DLG2: variants seen among roughly 807,000 people sequenced by gnomAD.
The protein encoded by DLG2 is disks large homolog 2.
In DLG2, 45 loss-of-function variants were observed where a neutral mutation model predicts 132.5. The ratio of observed to expected loss-of-function variants is 0.34; its 90% CI spans 0.27 to 0.44. The LOEUF (loss-of-function observed/expected upper bound fraction) is 0.44. DLG2 is among the 20% of genes least tolerant of loss of function. DLG2 has a pLI of 1.00. For missense variants in DLG2, 1,045 were observed against 1,196.9 expected, an observed-to-expected ratio of 0.87 and a Z score of 1.87; for synonymous variants, 424 against 419.6, an observed-to-expected ratio of 1.01 and a Z score of -0.13.
chr11:85,541,961 A>G (rs2076001959), intron 3 of DLG2, among the ~76,000 whole-genome samples: 1 of 152,150 alleles, frequency 6.6e-6, no homozygotes, highest in African/African-American at 2.4e-5. Context: ...CTATTGCTGA[A>G]AGCCTCACAG....
intron 18 of DLG2, among the ~76,000 whole-genome samples, chr11:83,711,798 T>C (rs759263610): frequency 3.4e-4 from 51 of 151,964 alleles, no homozygotes; most frequent in Non-Finnish European, 6.8e-4. Flanking sequence ...AAAGCAGGAG[T>C]ACTAGGTCAC....
chr11:83,848,675 A>T (rs975201130), intron 16 of DLG2, among the ~76,000 whole-genome samples: 6 of 152,202 alleles, frequency 3.9e-5, no homozygotes, highest in Non-Finnish European at 7.3e-5. Context: ...GGGATCCCTA[A>T]CTAGGATTCT....
chr11:85,541,587 G>T (rs1247914212), intron 3 of DLG2, among the ~76,000 whole-genome samples: 1 of 151,706 alleles, frequency 6.6e-6, no homozygotes, highest in Non-Finnish European at 1.5e-5. Context: ...CTTTGAGATG[G>T]CTTACAAAAC....
chr11:84,703,418 T>G (rs542966069), intron 6 of DLG2, among the ~76,000 whole-genome samples: 2 of 151,524 alleles, frequency 1.3e-5, no homozygotes, highest in Non-Finnish European at 3.0e-5. Flanking sequence ...ATGAAGATGA[T>G]GATTTCTACC....
intron 8 of DLG2, among the ~76,000 whole-genome samples, chr11:84,214,374 TATAA>T (rs2096806730): frequency 6.6e-6 from 1 of 150,410 alleles, no homozygotes; most frequent in Admixed American, 6.6e-5. Context: ...CAAACATACA[TATAA>T]ATATGTTTTA....
At chr11:85,183,828 CTTCTCACTCT>C (rs1193413400) in intron 4 of DLG2, among the ~76,000 whole-genome samples, 4 of 152,028 alleles carry the variant, frequency 2.6e-5, no homozygotes, top group Non-Finnish European at 5.9e-5. Context: ...CCGTTTCTTG[CTTCTCACTCT>C]TTCTCACTGA....
intron 10 of DLG2, among the ~76,000 whole-genome samples, chr11:84,061,594 TG>T (rs1231334218): frequency 6.6e-6 from 1 of 152,202 alleles, no homozygotes; most frequent in Non-Finnish European, 1.5e-5. Context: ...GTTTCATGTA[TG>T]TTGTGTATAT....
intron 9 of DLG2, among the ~76,000 whole-genome samples, chr11:84,102,137 T>C (rs2092580692): frequency 1.3e-5 from 2 of 152,194 alleles, no homozygotes; most frequent in Non-Finnish European, 2.9e-5. Context: ...AAATTAATAC[T>C]AAATTATCAC....
chr11:84,515,875 C>A (rs1212934822), intron 7 of DLG2, among the ~76,000 whole-genome samples: 1 of 151,870 alleles, frequency 6.6e-6, no homozygotes, highest in Middle Eastern at 3.4e-3. Flanking sequence ...AGACTAAAAT[C>A]ATATCAAGTG....
intron 7 of DLG2, among the ~76,000 whole-genome samples, chr11:84,321,157 G>A (rs949134438): frequency 1.3e-5 from 2 of 152,116 alleles, no homozygotes; most frequent in African/African-American, 4.8e-5. Flanking sequence ...ATTAAGTCAT[G>A]CTCTACAGTA....
At chr11:83,666,106 T>C (rs1052120250) in intron 18 of DLG2, among the ~76,000 whole-genome samples, 1 of 152,204 alleles carries the variant, frequency 6.6e-6, no homozygotes, top group Non-Finnish European at 1.5e-5. Flanking sequence ...TATTCAATAG[T>C]TTTTTATACA....
intron 4 of DLG2, among the ~76,000 whole-genome samples, chr11:85,261,871 T>G (rs1055078661): frequency 6.6e-6 from 1 of 151,304 alleles, no homozygotes; most frequent in African/African-American, 2.4e-5. Flanking sequence ...AGGGGGAAGG[T>G]GAGGGAGAAG....
intron 11 of DLG2, among the ~76,000 whole-genome samples, chr11:84,006,376 A>T (rs1364716340): frequency 6.6e-6 from 1 of 151,724 alleles, no homozygotes; most frequent in Non-Finnish European, 1.5e-5. Flanking sequence ...GTTCAAAAGC[A>T]GAGTAGAGTG....
intron 3 of DLG2, among the ~76,000 whole-genome samples, chr11:85,426,315 G>C (rs1166628474): frequency 6.6e-6 from 1 of 152,168 alleles, no homozygotes; most frequent in African/African-American, 2.4e-5. Context: ...ATCTGAGAAC[G>C]GACAGACTGC....
intron 15 of DLG2, among the ~76,000 whole-genome samples, chr11:83,899,785 C>A (rs534771729): frequency 1.3e-5 from 2 of 151,548 alleles, no homozygotes; most frequent in South Asian, 2.1e-4. Flanking sequence ...ACTAATACAG[C>A]AAATTGGTAA....
chr11:84,027,427 A>G (rs1421329114), intron 11 of DLG2, among the ~76,000 whole-genome samples: 1 of 152,030 alleles, frequency 6.6e-6, no homozygotes, highest in Non-Finnish European at 1.5e-5. Flanking sequence ...ATATTTTTTC[A>G]TAATGAATAT....
chr11:84,402,305 G>T lies in DLG2; in HGVS notation c.519+132265C>A, dbSNP rs937744057. On this transcript the variant is annotated intron_variant, in intron 7 of 27. Coordinates refer to ENST00000376104, the MANE Select transcript of DLG2 (RefSeq NM_001142699.3). ...TTATCCCTCTCAATCCTCTACCACA[G>T]TGAGGGCAGTTATTGTTAAAGAACA... is the stretch of plus-strand genomic sequence containing the variant. Among the ~76,000 whole-genome samples the T allele has an allele frequency of 2.0e-5, 3 of 152,100 alleles. 1 individual carries two copies. The highest frequency in any genetic ancestry group is 7.2e-5 in the African/African-American group (3 of 41,416).
At chr11:85,151,841 A>G (rs1050434012) in intron 5 of DLG2, among the ~76,000 whole-genome samples, 27 of 152,282 alleles carry the variant, frequency 1.8e-4, no homozygotes, top group African/African-American at 6.3e-4. Context: ...GTTTGTTCTT[A>G]TTCTCCAAAA....
intron 3 of DLG2, among the ~76,000 whole-genome samples, chr11:85,314,901 C>T (rs989349465): frequency 4.6e-5 from 7 of 151,942 alleles, no homozygotes; most frequent in Non-Finnish European, 7.4e-5. Flanking sequence ...TTCCCCCATA[C>T]TTCAGTGTTG....
Sources: gnomAD v4.1 joint callset for allele counts (sites outside exome capture counted in the v4.1 genomes callset) on GRCh38, gnomAD v4.1.1 for gene constraint, MANE v1.5 for transcripts, NCBI Gene and HGNC (gene_info 2026-07-23, HGNC 2026-07-21) for gene names.